The following CSMD1 variants were observed in gnomAD, a reference collection of about 807,000 sequenced individuals.
CSMD1 encodes CUB and sushi domain-containing protein 1.
Under a neutral mutation model 417.5 loss-of-function variants are expected in CSMD1, and 213 were observed. That is an observed-to-expected ratio of 0.51 (90% CI 0.46 to 0.57). The LOEUF is 0.57. Among genes scored for constraint, CSMD1 ranks in the 20% least tolerant of loss-of-function variants. The pLI is 0.00. For synonymous variants in CSMD1, 2,862 were observed against 1,736.8 expected, an observed-to-expected ratio of 1.65 and a Z score of -16.11; for missense variants, 6,923 against 4,529.7, an observed-to-expected ratio of 1.53 and a Z score of -15.17.
intron 2 of CSMD1, among the ~76,000 whole-genome samples, chr8:4,433,947 G>C: frequency 6.6e-6 from 1 of 152,138 alleles, no homozygotes; most frequent in East Asian, 1.9e-4. Flanking sequence ...GTAGAATTGA[G>C]GTTTATTCAC....
chr8:3,153,816 C>G (rs190627198), intron 39 of CSMD1, among the ~76,000 whole-genome samples: 319 of 152,294 alleles, frequency 2.1e-3, no homozygotes, highest in Non-Finnish European at 2.7e-3. Context: ...GGTTCATCTC[C>G]TGTCAAACAT....
chr8:4,031,552 A>G (rs1473646624), intron 4 of CSMD1, among the ~76,000 whole-genome samples: 1 of 152,202 alleles, frequency 6.6e-6, no homozygotes, highest in Non-Finnish European at 1.5e-5. Context: ...ACCGTTCAAC[A>G]TGAGGTTTGG....
intron 3 of CSMD1, among the ~76,000 whole-genome samples, chr8:4,186,385 G>T (rs757088464): frequency 5.9e-5 from 9 of 152,138 alleles, no homozygotes; most frequent in Non-Finnish European, 1.3e-4. Flanking sequence ...CAGCATCTCT[G>T]CTCACCCCAA....
chr8:4,366,037 G>A (rs914841778), intron 3 of CSMD1, among the ~76,000 whole-genome samples: 1 of 152,062 alleles, frequency 6.6e-6, no homozygotes, highest in African/African-American at 2.4e-5. Flanking sequence ...CAGGTAGTGA[G>A]CACAGTACCT....
intron 23 of CSMD1, among the ~76,000 whole-genome samples, chr8:3,327,299 C>A (rs1446995748): frequency 1.3e-5 from 2 of 152,104 alleles, no homozygotes; most frequent in Non-Finnish European, 2.9e-5. Flanking sequence ...CCCACCACCA[C>A]ATCTGGCTAA....
chr8:4,138,658 G>T (rs944276583), intron 3 of CSMD1, among the ~76,000 whole-genome samples: 1 of 152,174 alleles, frequency 6.6e-6, no homozygotes, highest in South Asian at 2.1e-4. Context: ...ACTTTTCAAA[G>T]TATTATTTCT....
intron 2 of CSMD1, among the ~76,000 whole-genome samples, chr8:4,549,912 A>AG (rs1797795116): frequency 6.6e-6 from 1 of 150,752 alleles, no homozygotes; most frequent in African/African-American, 2.4e-5. Flanking sequence ...AAAAAAAAAA[A>AG]AAAAAAAAGA....
At chr8:4,913,636 G>C (rs539883083) in intron 1 of CSMD1, among the ~76,000 whole-genome samples, 1 of 152,288 alleles carries the variant, frequency 6.6e-6, no homozygotes, top group South Asian at 2.1e-4. Flanking sequence ...GACCAAGACT[G>C]AGTTCTGCGT....
chr8:4,700,280 G>T (rs1047201655), intron 1 of CSMD1, among the ~76,000 whole-genome samples: 1 of 151,970 alleles, frequency 6.6e-6, no homozygotes, highest in Non-Finnish European at 1.5e-5. Flanking sequence ...CTCAAATTTT[G>T]TGAGTATTAT....
In CSMD1 at chr8:4,579,192, G is replaced by A. The variant is rs145896240; in HGVS notation, c.302+58150C>T. ...ACACACTAAGAATTTAAAAAGTCAG[G>A]TGTGGTTGCTCTGACGGAATCAGGA... On this transcript the variant is annotated intron_variant, in intron 2 of 69. Coordinates refer to ENST00000635120, the MANE Select transcript of CSMD1 (RefSeq NM_033225.6). 9.6e-3 allele frequency among the ~76,000 whole-genome samples: 1,452 copies of A among 151,978 alleles called. 17 individuals are homozygous for A. Among genetic ancestry groups the A allele is most frequent in the Non-Finnish European group, 0.016 (1,082 of 67,984 alleles).
intron 1 of CSMD1, among the ~76,000 whole-genome samples, chr8:4,867,545 T>G (rs1157889970): frequency 1.3e-5 from 2 of 152,060 alleles, no homozygotes. Flanking sequence ...GTAAGCAAAT[T>G]GCAAGGGATA....
chr8:4,904,299 T>A (rs574160832), intron 1 of CSMD1, among the ~76,000 whole-genome samples: 105 of 152,356 alleles, frequency 6.9e-4, no homozygotes, highest in African/African-American at 2.3e-3. Flanking sequence ...AGTAAATGTA[T>A]TTCCCATTAA....
At chr8:3,500,533 G>C (rs1008402855) in intron 10 of CSMD1, among the ~76,000 whole-genome samples, 3 of 152,164 alleles carry the variant, frequency 2.0e-5, no homozygotes, top group Non-Finnish European at 2.9e-5. Flanking sequence ...ATGAGCTGCA[G>C]TCTCTTTCAT....
Position 4,038,289 on chromosome 8 carries a change from G to C in CSMD1, c.416-6190C>G, listed in dbSNP as rs138109397. Among the ~76,000 whole-genome samples, 33 of 152,074 alleles carry C rather than the reference G, an allele frequency of 2.2e-4. No individual in the cohort carries two copies. The East Asian group carries it at 5.0e-3, about 23-fold the overall frequency. On this transcript the variant is annotated intron_variant, in intron 3 of 69. Coordinates refer to ENST00000635120, the MANE Select transcript of CSMD1 (RefSeq NM_033225.6). ...GAATAAATTAGAATATTTTCTTCTA[G>C]TTTCAAACACCAAAAAACGCAAAAC... is the stretch of plus-strand genomic sequence containing the variant.
At chr8:3,805,220 G>A (rs941759007) in intron 5 of CSMD1, among the ~76,000 whole-genome samples, 3 of 152,146 alleles carry the variant, frequency 2.0e-5, no homozygotes, top group African/African-American at 4.8e-5. Flanking sequence ...TCAGTTTCCT[G>A]CGGGACACCA....
At chr8:3,458,152 T>A (rs984939946) in intron 12 of CSMD1, among the ~76,000 whole-genome samples, 1 of 152,156 alleles carries the variant, frequency 6.6e-6, no homozygotes, top group Non-Finnish European at 1.5e-5. Context: ...TCAGTTTACT[T>A]TGACATGTAA....
chr8:3,520,294 C>G (rs939716321), intron 10 of CSMD1, among the ~76,000 whole-genome samples: 1 of 152,038 alleles, frequency 6.6e-6, no homozygotes, highest in Non-Finnish European at 1.5e-5. Context: ...CTCCTCTATT[C>G]CAAAATGTTG....
At chr8:3,129,943 T>C (rs1441487184) in intron 41 of CSMD1, among the ~76,000 whole-genome samples, 18 of 151,816 alleles carry the variant, frequency 1.2e-4, no homozygotes, top group Non-Finnish European at 2.9e-5. Context: ...ATCGCGCCAC[T>C]GCACTCCAGC....
At chr8:3,165,245 A>G (rs1820134524) in intron 37 of CSMD1, among the ~76,000 whole-genome samples, 1 of 151,982 alleles carries the variant, frequency 6.6e-6, no homozygotes, top group Admixed American at 6.6e-5. Context: ...TTTTATCAAT[A>G]TTATTTAAAC....
Sources: allele counts gnomAD v4.1 joint callset (sites outside exome capture counted in the v4.1 genomes callset), GRCh38; gene constraint gnomAD v4.1.1; transcripts MANE v1.5; gene names NCBI Gene and HGNC (gene_info 2026-07-23, HGNC 2026-07-21).